Variants in TPST1 observed in about 807,000 individuals in gnomAD.
TPST1 encodes the protein protein-tyrosine sulfotransferase 1.
TPST1 carries 20 observed loss-of-function variants against 34.8 expected under a neutral mutation model. The observed-to-expected ratio is 0.57, with a 90% CI of 0.40 to 0.84. TPST1 has a LOEUF of 0.84. Among genes scored for constraint, TPST1 ranks in the 40% least tolerant of loss-of-function variants. The pLI is 0.00. For synonymous variants in TPST1, 152 were observed against 159.4 expected (o/e 0.95, Z 0.35); for missense variants, 353 against 455.5 (o/e 0.78, Z 2.05).
intron 3 of TPST1, among the ~76,000 whole-genome samples, chr7:66,296,320 G>A (rs1791197525): frequency 7.5e-6 from 1 of 133,864 alleles, no homozygotes; most frequent in African/African-American, 2.9e-5. Flanking sequence ...AAGATGAAGT[G>A]TGAACTATAG....
At chr7:66,207,563 T>C (rs1441356300) in intron 1 of TPST1, among the ~76,000 whole-genome samples, 1 of 152,240 alleles carries the variant, frequency 6.6e-6, no homozygotes, top group African/African-American at 2.4e-5. Context: ...CCCTTTTCTT[T>C]TTTTATTCTT....
At chr7:66,203,552 C>G (rs948555049), upstream of TPST1, among the ~76,000 whole-genome samples, 1 of 149,606 alleles carries the variant, frequency 6.7e-6, no homozygotes, top group Admixed American at 6.7e-5. Flanking sequence ...GTGGCACAAT[C>G]TTGGCTCACT....
intron 1 of TPST1, among the ~76,000 whole-genome samples, chr7:66,230,822 G>T (rs897707820): frequency 6.6e-6 from 1 of 152,146 alleles, no homozygotes; most frequent in Admixed American, 6.5e-5. Flanking sequence ...TGGTAGAGCC[G>T]AGTGGTCTGT....
intron 1 of TPST1, among the ~76,000 whole-genome samples, chr7:66,209,057 C>T (rs1562795466): frequency 1.3e-5 from 2 of 151,874 alleles, no homozygotes; most frequent in Non-Finnish European, 2.9e-5. Flanking sequence ...CTGAGGCAGA[C>T]GGATCAAGAC....
chr7:66,235,438 C>T (rs1789892566), intron 1 of TPST1, among the ~76,000 whole-genome samples: 1 of 152,002 alleles, frequency 6.6e-6, no homozygotes, highest in Non-Finnish European at 1.5e-5. Context: ...TAGTGCCTGG[C>T]ACAAAACTAT....
intron 1 of TPST1, among the ~76,000 whole-genome samples, chr7:66,234,963 G>C (rs919953264): frequency 6.6e-6 from 1 of 152,078 alleles, no homozygotes; most frequent in Admixed American, 6.6e-5. Context: ...GTGAGCCTCC[G>C]CGCCCAGCCG....
chr7:66,231,229 T>TA (rs1789782684), intron 1 of TPST1, among the ~76,000 whole-genome samples: 1 of 152,248 alleles, frequency 6.6e-6, no homozygotes, highest in Non-Finnish European at 1.5e-5. Context: ...TTGGTGTATT[T>TA]ACAATCCCTG....
intron 2 of TPST1, among the ~76,000 whole-genome samples, chr7:66,259,576 T>A (rs934524111): frequency 6.6e-6 from 1 of 152,164 alleles, no homozygotes; most frequent in Non-Finnish European, 1.5e-5. Context: ...GTTCACTGAT[T>A]TTTTTCAATT....
At chr7:66,214,866 A>T (rs1328644038) in intron 1 of TPST1, among the ~76,000 whole-genome samples, 1 of 147,840 alleles carries the variant, frequency 6.8e-6, no homozygotes, top group Non-Finnish European at 1.5e-5. Flanking sequence ...ATATGTTTTT[A>T]AATATGTATT....
intron 3 of TPST1, among the ~76,000 whole-genome samples, chr7:66,306,335 T>C (rs555569830): frequency 6.6e-6 from 1 of 152,376 alleles, no homozygotes; most frequent in South Asian, 2.1e-4. Flanking sequence ...AAGCCTTTGC[T>C]AAACTGGTTT....
At chr7:66,273,055 G>T (rs1790736070) in intron 2 of TPST1, among the ~76,000 whole-genome samples, 1 of 152,106 alleles carries the variant, frequency 6.6e-6, no homozygotes, top group South Asian at 2.1e-4. Context: ...ACCAAAAATT[G>T]TTAGAACTAG....
intron 3 of TPST1, among the ~76,000 whole-genome samples, chr7:66,308,282 A>G (rs1198729890): frequency 1.3e-5 from 2 of 152,148 alleles, no homozygotes; most frequent in Non-Finnish European, 1.5e-5. Flanking sequence ...CTAGGGTTCT[A>G]TACTGTGATT....
At chr7:66,201,862 G>GAAAAA (rs370370393), upstream of TPST1, among the ~76,000 whole-genome samples, 10 of 131,494 alleles carry the variant, frequency 7.6e-5, no homozygotes, top group East Asian at 2.1e-3. Flanking sequence ...ATTAAAATAA[G>GAAAAA]AAAAAAAAAA....
At chr7:66,253,418 T>C (rs1314034530) in intron 2 of TPST1, among the ~76,000 whole-genome samples, 1 of 150,714 alleles carries the variant, frequency 6.6e-6, no homozygotes, top group Non-Finnish European at 1.5e-5. Flanking sequence ...TTGCCCACGC[T>C]GGAGTGCAGT....
intron 2 of TPST1, among the ~76,000 whole-genome samples, chr7:66,251,247 T>G (rs1790256044): frequency 6.6e-6 from 1 of 152,176 alleles, no homozygotes; most frequent in African/African-American, 2.4e-5. Context: ...TCTTTATTAT[T>G]ATAATAATAA....
intron 1 of TPST1, among the ~76,000 whole-genome samples, chr7:66,238,384 C>T (rs931846119): frequency 6.6e-6 from 1 of 150,376 alleles, no homozygotes; most frequent in African/African-American, 2.4e-5. Flanking sequence ...TTGTTACATT[C>T]CAGCCTTTGT....
At chr7:66,305,369 G>C (rs146385831) in intron 3 of TPST1, among the ~76,000 whole-genome samples, 93 of 152,124 alleles carry the variant, frequency 6.1e-4, no homozygotes, top group Non-Finnish European at 1.3e-3. Context: ...TGCCTGGTGG[G>C]GTGGCCTAAA....
chr7:66,346,234 G>T (rs1440852485), intron 3 of TPST1, among the ~76,000 whole-genome samples: 1 of 151,782 alleles, frequency 6.6e-6, no homozygotes, highest in Non-Finnish European at 1.5e-5. Context: ...TCTGTTGATG[G>T]ACACTTAGAT....
chr7:66,337,249 A>G (rs1234847659), intron 3 of TPST1, among the ~76,000 whole-genome samples: 2 of 151,972 alleles, frequency 1.3e-5, no homozygotes, highest in Non-Finnish European at 2.9e-5. Flanking sequence ...TAATACTGCA[A>G]ATGGGATGAG....
Sources: gnomAD v4.1 joint callset for allele counts (sites outside exome capture counted in the v4.1 genomes callset) on GRCh38, gnomAD v4.1.1 for gene constraint, MANE v1.5 for transcripts, NCBI Gene and HGNC (gene_info 2026-07-23, HGNC 2026-07-21) for gene names.